KIF4A: variants seen among roughly 807,000 people sequenced by gnomAD.
KIF4A encodes the protein kinesin family member 4A.
Under a neutral mutation model 105.9 loss-of-function variants are expected in KIF4A, and 7 were observed. The ratio of observed to expected loss-of-function variants is 0.07; its 90% CI spans 0.04 to 0.12. The LOEUF (loss-of-function observed/expected upper bound fraction) is 0.12. KIF4A is among the 10% of genes least tolerant of loss of function. KIF4A has a pLI of 1.00. For missense variants in KIF4A, 558 were observed against 929.2 expected (o/e 0.60, Z 5.19); for synonymous variants, 281 against 331.3 (o/e 0.85, Z 1.65).
intron 7 of KIF4A, among the ~76,000 whole-genome samples, chrX:70,313,638 T>C (rs1339766169): frequency 8.9e-6 from 1 of 112,122 alleles, no homozygotes; most frequent in Non-Finnish European, 1.9e-5. Context: ...GCCAACTTTT[T>C]ATATCAGTTC....
At chrX:70,370,333 A>G (rs1286042295) in intron 15 of KIF4A, among the ~76,000 whole-genome samples, 2 of 110,351 alleles carry the variant, frequency 1.8e-5, no homozygotes, top group African/African-American at 6.6e-5. Context: ...GGGGACTGGA[A>G]TTTTGGCAGG....
chrX:70,329,631 T>A, intron 8 of KIF4A, 110 bp downstream of exon 8: 1 of 558,355 alleles, frequency 1.8e-6, no homozygotes, highest in Non-Finnish European at 2.9e-6. Flanking sequence ...ACATACACAG[T>A]TGTCTAATTG....
intron 20 of KIF4A, among the ~76,000 whole-genome samples, chrX:70,393,174 A>AT (rs757094527): frequency 6.3e-5 from 7 of 110,363 alleles, no homozygotes; most frequent in African/African-American, 2.3e-4. Context: ...TTTCTTATTG[A>AT]TTTTTTTCTT....
At chrX:70,333,746 T>G in intron 10 of KIF4A, 57 bp downstream of exon 10, 1 of 866,586 alleles carries the variant, frequency 1.2e-6, no homozygotes, top group African/African-American at 2.0e-5. Context: ...TTTTTCCTAA[T>G]AATAGTTTTT....
chrX:70,383,472 TATC>T (rs908796767), intron 18 of KIF4A, among the ~76,000 whole-genome samples: 1 of 112,048 alleles, frequency 8.9e-6, no homozygotes, highest in African/African-American at 3.2e-5. Context: ...TTTAGCAGTT[TATC>T]AAAAGGCTAA....
At chrX:70,384,500 AT>A (rs1354211644) in intron 18 of KIF4A, among the ~76,000 whole-genome samples, 2 of 110,541 alleles carry the variant, frequency 1.8e-5, no homozygotes, top group Non-Finnish European at 3.8e-5. Context: ...AGGTGGGTGG[AT>A]CACGAGGTCA....
At chrX:70,350,012 C>T (rs1258767457) in intron 13 of KIF4A, among the ~76,000 whole-genome samples, 4 of 109,867 alleles carry the variant, frequency 3.6e-5, no homozygotes, top group African/African-American at 1.0e-4. Flanking sequence ...ACGGGGCAGC[C>T]GGGCAGAGGG....
chrX:70,362,199 T>C, intron 15 of KIF4A: 1 of 311,625 alleles, frequency 3.2e-6, no homozygotes. Flanking sequence ...GTAGAGCAGG[T>C]CCAGATAGAC....
At position 70,322,532 on chromosome X, in the gene KIF4A, C is replaced by T. The variant is rs761907647; in HGVS notation, c.779-6873C>T. On this transcript the variant is annotated intron_variant, in intron 7 of 30. Coordinates refer to ENST00000374403, the MANE Select transcript of KIF4A (RefSeq NM_012310.5). ...TTCACCGTGTTAGCCAGGATGATCT[C>T]GATCTCCTGACCTCGTGATCCACCC... 2.8e-5 allele frequency among the ~76,000 whole-genome samples: 3 copies of T among 108,298 alleles called. No individual in the cohort carries two copies. In the South Asian group the frequency reaches 1.3e-3, roughly 46 times the overall value. 94.0% of individuals were successfully genotyped at this position (108,298 alleles called of 115,157 possible).
Position 70,396,120 on chromosome X carries a change from G to C in KIF4A, c.2489+71G>C, listed in dbSNP as rs2086258739. On this transcript the variant is annotated intron_variant, in intron 22 of 30. Coordinates refer to ENST00000374403, the MANE Select transcript of KIF4A (RefSeq NM_012310.5). ...ATCAAAAATTGAACCTATTAATCTA[G>C]TGATTCAAAAGCCTTGTGATGGTGG... 5 of 773,214 alleles carry C rather than the reference G, an allele frequency of 6.5e-6. No individual in the cohort carries two copies. The South Asian group carries it at 1.3e-4, about 20-fold the overall frequency. 63.7% of individuals were successfully genotyped at this position (773,214 alleles called of 1,213,427 possible).
intron 10 of KIF4A, among the ~76,000 whole-genome samples, chrX:70,335,436 A>G (rs2085946863): frequency 8.9e-6 from 1 of 112,456 alleles, no homozygotes; most frequent in South Asian, 3.7e-4. Context: ...TTAGTTTTGC[A>G]AAATGAAAAC....
chrX:70,354,160 G>A (rs1281852242), intron 15 of KIF4A, among the ~76,000 whole-genome samples: 1 of 112,806 alleles, frequency 8.9e-6, no homozygotes, highest in East Asian at 2.8e-4. Flanking sequence ...TATGAATTAT[G>A]AAGACACTAG....
chrX:70,388,831 C>T (rs371588802), intron 20 of KIF4A, among the ~76,000 whole-genome samples: 33 of 112,184 alleles, frequency 2.9e-4, no homozygotes, highest in African/African-American at 1.0e-3. Flanking sequence ...ATATTTTCTC[C>T]CTGGCTGTGG....
intron 13 of KIF4A, among the ~76,000 whole-genome samples, chrX:70,346,561 T>C (rs1247963910): frequency 8.9e-6 from 1 of 111,896 alleles, no homozygotes; most frequent in Non-Finnish European, 1.9e-5. Flanking sequence ...GGTGTGCCTG[T>C]AGAGGGAGTT....
At chrX:70,292,766 A>G (rs2085766086) in intron 3 of KIF4A, among the ~76,000 whole-genome samples, 1 of 111,942 alleles carries the variant, frequency 8.9e-6, no homozygotes, top group African/African-American at 3.2e-5. Flanking sequence ...CAGATTCCTC[A>G]GGCTATACCT....
At chrX:70,388,042 G>A (rs892960809) in intron 20 of KIF4A, among the ~76,000 whole-genome samples, 3 of 110,280 alleles carry the variant, frequency 2.7e-5, no homozygotes, top group Non-Finnish European at 5.7e-5. Flanking sequence ...TGGTCTACCC[G>A]TCTACTCCCC....
intron 16 of KIF4A, 22 bp from the exon 17 acceptor site, chrX:70,375,182 C>T (rs1454086894): frequency 1.7e-6 from 2 of 1,208,285 alleles, no homozygotes; most frequent in East Asian, 5.9e-5. Context: ...GTAGTCCTCA[C>T]TTCTACAGCA....
intron 7 of KIF4A, among the ~76,000 whole-genome samples, chrX:70,304,688 T>C (rs1417912802): frequency 2.0e-4 from 17 of 84,648 alleles, no homozygotes; most frequent in Non-Finnish European, 3.5e-4. Flanking sequence ...AGAGAGAGTC[T>C]CACTCTGTTG....
intron 7 of KIF4A, among the ~76,000 whole-genome samples, chrX:70,326,631 A>C: frequency 9.0e-6 from 1 of 111,510 alleles, no homozygotes; most frequent in Non-Finnish European, 1.9e-5. Context: ...AGCATTTTTG[A>C]CTCTCCTTAC....
Sources: gnomAD v4.1 joint callset for allele counts (sites outside exome capture counted in the v4.1 genomes callset) on GRCh38, gnomAD v4.1.1 for gene constraint, MANE v1.5 for transcripts, NCBI Gene and HGNC (gene_info 2026-07-23, HGNC 2026-07-21) for gene names.